STX8: variants seen among roughly 807,000 people sequenced by gnomAD.
STX8 encodes syntaxin-8.
STX8 carries 23 observed loss-of-function variants against 37.5 expected under a neutral mutation model. The ratio of observed to expected loss-of-function variants is 0.61; its 90% CI spans 0.44 to 0.87. The LOEUF (loss-of-function observed/expected upper bound fraction) is 0.87. Among genes scored for constraint, STX8 ranks in the 40% least tolerant of loss-of-function variants. STX8 has a pLI of 0.00. For missense variants in STX8, 313 were observed against 284.7 expected (o/e 1.10, Z -0.71); for synonymous variants, 115 against 99.1 (o/e 1.16, Z -0.95).
intron 7 of STX8, among the ~76,000 whole-genome samples, chr17:9,322,718 A>C (rs1168599674): frequency 6.6e-6 from 1 of 151,274 alleles, no homozygotes; most frequent in Non-Finnish European, 1.5e-5. Context: ...TGGAATGGAC[A>C]GGCCATTTAA....
intron 7 of STX8, among the ~76,000 whole-genome samples, chr17:9,366,052 C>T (rs1002637911): frequency 1.3e-5 from 2 of 152,156 alleles, no homozygotes; most frequent in Non-Finnish European, 2.9e-5. Context: ...AAACAATCAC[C>T]ATAGGTTCCA....
At chr17:9,454,757 T>C (rs1905141349) in intron 6 of STX8, among the ~76,000 whole-genome samples, 2 of 151,646 alleles carry the variant, frequency 1.3e-5, no homozygotes, top group Admixed American at 1.3e-4. Context: ...CAGCAGACCA[T>C]GGGTAACTGA....
intron 4 of STX8, among the ~76,000 whole-genome samples, chr17:9,534,339 C>A (rs1020354792): frequency 5.9e-5 from 8 of 135,526 alleles, no homozygotes; most frequent in Non-Finnish European, 1.0e-4. Context: ...CTTGGAGAAA[C>A]AAACAAACAA....
At chr17:9,435,631 G>A (rs897835014) in intron 6 of STX8, among the ~76,000 whole-genome samples, 11 of 152,126 alleles carry the variant, frequency 7.2e-5, no homozygotes, top group Non-Finnish European at 1.5e-4. Context: ...TGAAATAGAG[G>A]AAACTTACAT....
At chr17:9,387,756 A>G (rs1296649132) in intron 6 of STX8, among the ~76,000 whole-genome samples, 1 of 152,220 alleles carries the variant, frequency 6.6e-6, no homozygotes, top group South Asian at 2.1e-4. Flanking sequence ...GCCACAATAC[A>G]TAATACAAAA....
chr17:9,288,443 C>T (rs985374356), intron 7 of STX8, among the ~76,000 whole-genome samples: 3 of 151,784 alleles, frequency 2.0e-5, no homozygotes, highest in Non-Finnish European at 4.4e-5. Flanking sequence ...GGGTGGATCA[C>T]GAGATCAAGA....
At chr17:9,333,768 T>C (rs1910045296) in intron 7 of STX8, among the ~76,000 whole-genome samples, 1 of 152,218 alleles carries the variant, frequency 6.6e-6, no homozygotes, top group Admixed American at 6.5e-5. Flanking sequence ...TTTTAAAAGT[T>C]ACACAGTCAT....
At chr17:9,340,251 T>C (rs1320196005) in intron 7 of STX8, among the ~76,000 whole-genome samples, 1 of 152,234 alleles carries the variant, frequency 6.6e-6, no homozygotes, top group African/African-American at 2.4e-5. Flanking sequence ...CTCTCATTTA[T>C]CAAAGCTGGA....
chr17:9,548,630 G>A (rs188141416), intron 3 of STX8: 12 of 152,198 alleles, frequency 7.9e-5, no homozygotes, highest in Admixed American at 7.8e-4. Context: ...GGAATGTTTT[G>A]CAGCCTTAAA....
chr17:9,263,642 T>C (rs1907126252), intron 7 of STX8, among the ~76,000 whole-genome samples: 1 of 152,222 alleles, frequency 6.6e-6, no homozygotes, highest in Non-Finnish European at 1.5e-5. Context: ...TTTGAGGTTA[T>C]TTCAAAATTT....
At chr17:9,304,930 T>TAA (rs1908921364) in intron 7 of STX8, among the ~76,000 whole-genome samples, 1 of 89,900 alleles carries the variant, frequency 1.1e-5, no homozygotes, top group African/African-American at 6.5e-5. Context: ...AAAAAATATG[T>TAA]ATATATATAT....
intron 6 of STX8, among the ~76,000 whole-genome samples, chr17:9,466,023 T>A (rs187436106): frequency 6.6e-6 from 1 of 151,918 alleles, no homozygotes; most frequent in Admixed American, 6.6e-5. Context: ...CAGGCTGGAG[T>A]GCACTGGCGC....
At chr17:9,541,022 A>C (rs1906256665) in intron 4 of STX8, among the ~76,000 whole-genome samples, 1 of 152,208 alleles carries the variant, frequency 6.6e-6, no homozygotes, top group Non-Finnish European at 1.5e-5. Flanking sequence ...AGCAGAAGGC[A>C]GTCCCAGTGG....
chr17:9,303,136 C>T (rs1270997022), intron 7 of STX8, among the ~76,000 whole-genome samples: 1 of 151,924 alleles, frequency 6.6e-6, no homozygotes, highest in Non-Finnish European at 1.5e-5. Context: ...ACTAAAAATA[C>T]AAAAATTAGC....
At chr17:9,334,805 A>G (rs75723635) in intron 7 of STX8, among the ~76,000 whole-genome samples, 2 of 152,310 alleles carry the variant, frequency 1.3e-5, no homozygotes, top group South Asian at 4.1e-4. Context: ...AAATGAGCAC[A>G]TAAGACAGAC....
At chr17:9,413,540 G>A (rs192376405) in intron 6 of STX8, among the ~76,000 whole-genome samples, 12 of 152,292 alleles carry the variant, frequency 7.9e-5, no homozygotes, top group Admixed American at 2.6e-4. Flanking sequence ...GCACAGATAG[G>A]AGCTAAGGGT....
At chr17:9,279,830 C>T (rs138675602) in intron 7 of STX8, among the ~76,000 whole-genome samples, 39 of 152,252 alleles carry the variant, frequency 2.6e-4, no homozygotes, top group African/African-American at 8.7e-4. Flanking sequence ...GAACACCTAA[C>T]GTGGAAATAA....
intron 7 of STX8, among the ~76,000 whole-genome samples, chr17:9,341,239 G>A (rs1352505700): frequency 6.6e-6 from 1 of 151,972 alleles, no homozygotes; most frequent in Admixed American, 6.6e-5. Flanking sequence ...CCTCTTGAGA[G>A]GGATGCTCTC....
chr17:9,555,856 G>A (rs965976832), intron 3 of STX8, among the ~76,000 whole-genome samples: 4 of 149,568 alleles, frequency 2.7e-5, no homozygotes, highest in African/African-American at 4.9e-5. Context: ...AGATCGCACC[G>A]CTGCACTCCA....
Sources: gnomAD v4.1 joint callset for allele counts (sites outside exome capture counted in the v4.1 genomes callset) on GRCh38, gnomAD v4.1.1 for gene constraint, MANE v1.5 for transcripts, NCBI Gene and HGNC (gene_info 2026-07-23, HGNC 2026-07-21) for gene names.